DESI1: variants seen among roughly 807,000 people sequenced by gnomAD.
DESI1 encodes PPPDE peptidase domain containing 2.
DESI1 carries 17 observed loss-of-function variants against 22.4 expected under a neutral mutation model. The observed-to-expected ratio is 0.76, with a 90% CI of 0.52 to 1.14. DESI1 has a LOEUF of 1.14. Ranked by LOEUF, DESI1 falls within the 50% of genes most tolerant of loss-of-function variation. DESI1 has a pLI of 0.00. For synonymous variants in DESI1, 92 were observed against 84.2 expected (o/e 1.09, Z -0.51); for missense variants, 177 against 208.9 (o/e 0.85, Z 0.94).
In DESI1 at chr22:41,599,890, T is replaced by C. The variant is rs2147034946; in HGVS notation, c.*1207A>G. Reference sequence around the variant, plus strand: ...CATTATTCTTTCCATATCAAAGGTATTTTCTGGCCAGGCAGCGGTGGCTCA... The same window carrying C: ...CATTATTCTTTCCATATCAAAGGTACTTTCTGGCCAGGCAGCGGTGGCTCA... On this transcript the variant is annotated 3_prime_UTR_variant, in exon 6 of 6. Transcript: ENST00000263256. 1 of 149,568 alleles carries C rather than the reference T, an allele frequency of 6.7e-6. No homozygotes were observed. Among genetic ancestry groups the C allele is most frequent in the Non-Finnish European group, 1.5e-5 (1 of 67,344 alleles). 9.3% of individuals were successfully genotyped at this position (149,568 alleles called of 1,614,324 possible).
At chr22:41,602,268 G>A (rs1030003123) in intron 5 of DESI1, 1 of 985,272 alleles carries the variant, frequency 1.0e-6, no homozygotes, top group Non-Finnish European at 1.2e-6. Context: ...GACAATTCCA[G>A]GAACTCCACC....
chr22:41,605,913 G>A (rs564149622), intron 3 of DESI1, among the ~76,000 whole-genome samples: 19 of 152,254 alleles, frequency 1.2e-4, no homozygotes, highest in Non-Finnish European at 1.9e-4. Flanking sequence ...ATGGAGAGGC[G>A]TAACCAGGTG....
intron 1 of DESI1, among the ~76,000 whole-genome samples, chr22:41,615,744 C>T (rs1331637247): frequency 6.6e-6 from 1 of 152,228 alleles, no homozygotes; most frequent in Non-Finnish European, 1.5e-5. Context: ...AGAGTCCTTG[C>T]CCTCCAGGAG....
intron 1 of DESI1, 107 bp downstream of exon 1, chr22:41,620,645 G>A: frequency 9.0e-7 from 1 of 1,115,566 alleles, no homozygotes; most frequent in Non-Finnish European, 1.3e-6. Context: ...CATCCTCCTG[G>A]CCATGTGTCT....
chr22:41,605,162 G>A (rs1472152796), intron 3 of DESI1, among the ~76,000 whole-genome samples: 2 of 152,138 alleles, frequency 1.3e-5, no homozygotes, highest in South Asian at 2.1e-4. Context: ...TTGATATCCC[G>A]TGTAATAATG....
intron 5 of DESI1, chr22:41,602,207 A>C: frequency 2.0e-6 from 2 of 985,206 alleles, no homozygotes; most frequent in Non-Finnish European, 2.4e-6. Flanking sequence ...AAAGGAATGA[A>C]GTACTCCAAA....
intron 5 of DESI1, chr22:41,602,725 A>G: frequency 1.0e-6 from 1 of 989,612 alleles, no homozygotes. Context: ...GGCTTGGGGC[A>G]CATCAGGACA....
At chr22:41,606,667 G>A (rs1439622670) in intron 3 of DESI1, among the ~76,000 whole-genome samples, 1 of 150,030 alleles carries the variant, frequency 6.7e-6, no homozygotes, top group Admixed American at 6.7e-5. Context: ...CCAGCTACTC[G>A]GGAGGCTGAG....
intron 1 of DESI1, among the ~76,000 whole-genome samples, chr22:41,620,270 T>G (rs1464985358): frequency 6.6e-6 from 1 of 152,034 alleles, no homozygotes; most frequent in Non-Finnish European, 1.5e-5. Flanking sequence ...CAAAGGGAGC[T>G]TCCTTTTGGC....
chr22:41,603,717 C>A (rs538029333), intron 4 of DESI1, among the ~76,000 whole-genome samples: 1 of 152,214 alleles, frequency 6.6e-6, no homozygotes, highest in African/African-American at 2.4e-5. Flanking sequence ...TATTTCATCC[C>A]AACCCTTCTG....
At chr22:41,602,891 T>G (rs2067457487) in intron 5 of DESI1, 1 of 812,304 alleles carries the variant, frequency 1.2e-6, no homozygotes. Context: ...CTACTATTTT[T>G]CTGACCCCCT....
chr22:41,602,642 G>A, intron 5 of DESI1: 1 of 986,920 alleles, frequency 1.0e-6, no homozygotes, highest in African/African-American at 1.7e-5. Flanking sequence ...GAGGGAGGAG[G>A]TGAGATGGCT....
chr22:41,598,653 C>G lies in DESI1; in HGVS notation c.*2444G>C, dbSNP rs2067433547. 1 of 152,440 alleles carries G rather than the reference C, an allele frequency of 6.6e-6. No individual in the cohort carries two copies. Among genetic ancestry groups the G allele is most frequent in the South Asian group, 2.1e-4 (1 of 4,836 alleles). 9.4% of individuals were successfully genotyped at this position (152,440 alleles called of 1,614,324 possible). A position where few individuals can be genotyped will look rare whatever the true frequency, so the allele number is the denominator to read the frequency against. On this transcript the variant is annotated 3_prime_UTR_variant, in exon 6 of 6. Coordinates refer to ENST00000263256, the MANE Select transcript of DESI1 (RefSeq NM_015704.3). Reference sequence around the variant, plus strand: ...GAAGAGGAGAAAGGAAAAAAAGGAGCTGTGATGCCCAGAACCCCCTGGATG... The same window carrying G: ...GAAGAGGAGAAAGGAAAAAAAGGAGGTGTGATGCCCAGAACCCCCTGGATG...
At chr22:41,606,260 G>A (rs920117670) in intron 3 of DESI1, among the ~76,000 whole-genome samples, 2 of 152,018 alleles carry the variant, frequency 1.3e-5, no homozygotes, top group East Asian at 3.9e-4. Context: ...GGTGGCTCAA[G>A]TGGGAGGATT....
chr22:41,607,151 G>A (rs1042174023), intron 3 of DESI1, 111 bp downstream of exon 3: 30 of 1,007,260 alleles, frequency 3.0e-5, no homozygotes, highest in Admixed American at 6.4e-5. Context: ...CAAGTCTTCA[G>A]GTGGCTTTGA....
intron 5 of DESI1, chr22:41,602,807 A>C: frequency 9.7e-7 from 1 of 1,036,218 alleles, no homozygotes; most frequent in Non-Finnish European, 1.2e-6. Context: ...GGGCAAGTAG[A>C]ACATAGTCGT....
intron 1 of DESI1, among the ~76,000 whole-genome samples, chr22:41,618,988 C>T (rs1283278087): frequency 1.3e-5 from 2 of 151,658 alleles, no homozygotes; most frequent in Non-Finnish European, 2.9e-5. Context: ...GGCGTGAACC[C>T]GGGAGGCGGA....
At chr22:41,607,430 G>T in intron 2 of DESI1, 99 bp from the exon 3 acceptor site, 1 of 1,147,324 alleles carries the variant, frequency 8.7e-7, no homozygotes, top group South Asian at 1.6e-5. Flanking sequence ...CCAAGGATAG[G>T]ACTGTGGGGA....
At chr22:41,608,456 AGG>A (rs1357451661) in intron 1 of DESI1, among the ~76,000 whole-genome samples, 1 of 152,232 alleles carries the variant, frequency 6.6e-6, no homozygotes, top group South Asian at 2.1e-4. Context: ...GGTAAAAATA[AGG>A]TACTAAATAT....
Sources: allele counts gnomAD v4.1 joint callset (sites outside exome capture counted in the v4.1 genomes callset), GRCh38; gene constraint gnomAD v4.1.1; transcripts MANE v1.5; gene names NCBI Gene and HGNC (gene_info 2026-07-23, HGNC 2026-07-21).